PTPRB: variants seen among roughly 807,000 people sequenced by gnomAD.
PTPRB encodes protein tyrosine phosphatase receptor type B.
A neutral mutation model predicts 238.1 loss-of-function variants in PTPRB; 97 were observed. That is an observed-to-expected ratio of 0.41 (90% CI 0.35 to 0.48). PTPRB has a LOEUF of 0.48. Among genes scored for constraint, PTPRB ranks in the 20% least tolerant of loss-of-function variants. PTPRB has a pLI of 0.30. For missense variants in PTPRB, 2,292 were observed against 2,681.9 expected (o/e 0.85, Z 3.21); for synonymous variants, 970 against 995.4 (o/e 0.97, Z 0.48).
intron 8 of PTPRB, 141 bp from the exon 9 acceptor site, chr12:70,587,408 A>G: frequency 9.7e-7 from 1 of 1,035,096 alleles, no homozygotes; most frequent in Admixed American, 3.0e-5. Flanking sequence ...CATTAAAACA[A>G]AATCTTATCA....
chr12:70,550,581 A>G (rs1283169082), intron 21 of PTPRB, among the ~76,000 whole-genome samples: 1 of 152,188 alleles, frequency 6.6e-6, no homozygotes, highest in Non-Finnish European at 1.5e-5. Context: ...GGATTAGAGA[A>G]TTGAAATGCT....
intron 32 of PTPRB, 119 bp downstream of exon 32, chr12:70,531,916 T>C (rs1565904907): frequency 8.3e-7 from 1 of 1,197,742 alleles, no homozygotes; most frequent in Non-Finnish European, 1.2e-6. Context: ...GCAGTTCTTT[T>C]TTTCTCTTCC....
intron 21 of PTPRB, among the ~76,000 whole-genome samples, chr12:70,547,799 G>A (rs905502676): frequency 1.3e-5 from 2 of 151,900 alleles, no homozygotes; most frequent in African/African-American, 2.4e-5. Flanking sequence ...GAGCCATCGC[G>A]CCCAGCCATA....
chr12:70,587,265 G>T lies in PTPRB; in HGVS notation c.2053C>A (p.Pro685Thr). The change falls in exon 9 of 34, where the codon CCC becomes ACC. Residue 685 changes from proline (P) to threonine (T), a missense_variant and splice_region_variant. Coordinates refer to ENST00000334414, the MANE Select transcript of PTPRB (RefSeq NM_001109754.4). ...ACACGAAGCTGGAGGACAGCCAGGG[G>T]GACTGAGGAAAAAGCAATGGAGATG... The part of the protein sequence containing the change: ...NSERCQGRTV[P>T]LAVLQLRVKH... The T allele has an allele frequency of 6.2e-7, 1 of 1,613,584 alleles. No homozygotes were observed. The highest frequency in any genetic ancestry group is 1.1e-5 in the South Asian group (1 of 91,034).
chr12:70,595,938 C>G, intron 5 of PTPRB, 111 bp downstream of exon 5: 1 of 1,033,730 alleles, frequency 9.7e-7, no homozygotes, highest in Non-Finnish European at 1.3e-6. Flanking sequence ...TAACTAATTG[C>G]TAATTAATTA....
intron 20 of PTPRB, among the ~76,000 whole-genome samples, chr12:70,553,784 G>A (rs1877252025): frequency 6.6e-6 from 1 of 152,234 alleles, no homozygotes; most frequent in South Asian, 2.1e-4. Context: ...TTGCTCATAA[G>A]TGAGTCTTAG....
At chr12:70,586,404 T>C (rs1201569259) in intron 9 of PTPRB, among the ~76,000 whole-genome samples, 1 of 152,148 alleles carries the variant, frequency 6.6e-6, no homozygotes, top group Non-Finnish European at 1.5e-5. Flanking sequence ...GAACTGTGAG[T>C]CAATTAAACC....
At chr12:70,558,131 C>T (rs1380196923) in intron 18 of PTPRB, among the ~76,000 whole-genome samples, 3 of 152,116 alleles carry the variant, frequency 2.0e-5, no homozygotes, top group African/African-American at 7.2e-5. Flanking sequence ...CCTGGCTACT[C>T]TAATACCAGA....
rs1001922034 is a variant in PTPRB at position 70,622,562 on chromosome 12, T to C, written c.536A>G (p.Asp179Gly). 1.2e-6 allele frequency: 2 copies of C among 1,602,620 alleles called. No individual in the cohort carries two copies. The highest frequency in any genetic ancestry group is 2.7e-5 in the African/African-American group (2 of 74,728). ...ATTCCTAATAAGGAATACCAGGCCATCTGGAACTGCATTAAAGGTAGTGAG... is the reference window on the plus strand; with the variant it reads ...ATTCCTAATAAGGAATACCAGGCCACCTGGAACTGCATTAAAGGTAGTGAG... Reference protein sequence around the residue: ...QILTTFNAVPDGLVFLIRNTT... With the variant: ...QILTTFNAVPGGLVFLIRNTT... Residue 179 changes from aspartate (D) to glycine (G), a missense_variant, in exon 3 of 34, where the codon GAT becomes GGT. Asp to Gly is a moderately conservative substitution (Grantham distance 94). Coordinates refer to ENST00000334414, the MANE Select transcript of PTPRB (RefSeq NM_001109754.4).
intron 3 of PTPRB, among the ~76,000 whole-genome samples, chr12:70,618,950 C>G (rs1884796317): frequency 6.6e-6 from 1 of 151,946 alleles, no homozygotes; most frequent in African/African-American, 2.4e-5. Context: ...AAAGTCAGAC[C>G]CCTCACACTG....
rs1295284624 is a variant in PTPRB at position 70,516,844 on chromosome 12, C to T, written c.*4645G>A. 1 of 152,056 alleles carries T rather than the reference C, an allele frequency of 6.6e-6. No homozygotes were observed. The highest frequency in any genetic ancestry group is 2.4e-5 in the African/African-American group (1 of 41,390). 9.4% of individuals were successfully genotyped at this position (152,056 alleles called of 1,614,324 possible). A position where few individuals can be genotyped will look rare whatever the true frequency, so the allele number is the denominator to read the frequency against. ...TAATCTCTTATTTCCATTACATAAG[C>T]CTCTATTTTCAGAGCATTCACCAAC... On this transcript the variant is annotated 3_prime_UTR_variant, in exon 34 of 34. Coordinates refer to ENST00000334414, the MANE Select transcript of PTPRB (RefSeq NM_001109754.4).
Position 70,538,290 on chromosome 12 carries a change from T to C in PTPRB, c.5870-59A>G, listed in dbSNP as rs982337364. 4.4e-5 allele frequency: 62 copies of C among 1,419,562 alleles called. 1 individual carries two copies. The South Asian group carries it at 7.6e-4, about 17-fold the overall frequency. 87.9% of individuals were successfully genotyped at this position (1,419,562 alleles called of 1,614,324 possible). On this transcript the variant is annotated intron_variant, in intron 27 of 33. Transcript: ENST00000334414. ...TGACTTTTCTACAGTTTATGTGATG[T>C]GTGTGATGTGCCTTAGCTCTGATCC...
chr12:70,547,305 G>A (rs1423996764), intron 21 of PTPRB, among the ~76,000 whole-genome samples: 2 of 152,110 alleles, frequency 1.3e-5, no homozygotes, highest in Non-Finnish European at 2.9e-5. Flanking sequence ...GTCCACAAAG[G>A]GAAACAAGTA....
chr12:70,581,041 C>G lies in PTPRB; in HGVS notation c.2573G>C (p.Arg858Thr), dbSNP rs763918740. 1 of 1,613,702 alleles carries G rather than the reference C, an allele frequency of 6.2e-7. No individual in the cohort carries two copies. The highest frequency in any genetic ancestry group is 8.5e-7 in the Non-Finnish European group (1 of 1,179,734). Residue 858 changes from arginine to threonine, a missense_variant, in exon 10 of 34, where the codon AGA becomes ACA. Physicochemically the swap from Arg to Thr is moderately conservative, Grantham distance 71 (BLOSUM62 -1). Transcript: ENST00000334414. ...CACATATCTCTACTTCTTACCTGTTCTTCCCTCCACAACCACTTGTCGGGA... is the reference window on the plus strand; with the variant it reads ...CACATATCTCTACTTCTTACCTGTTGTTCCCTCCACAACCACTTGTCGGGA... ...ISSRQVVVEGRTVPSSVSGVT... is the reference protein window; with the variant it reads ...ISSRQVVVEGTTVPSSVSGVT...
At chr12:70,539,279 A>G in intron 26 of PTPRB, 1 of 547,870 alleles carries the variant, frequency 1.8e-6, no homozygotes, top group Non-Finnish European at 3.2e-6. Flanking sequence ...TCAGTTCCAA[A>G]AGCTACGTGC....
rs1874102733 is a variant in PTPRB at position 70,536,218 on chromosome 12, C to CAAAG, written c.5947-63_5947-60dup. The CAAAG allele has an allele frequency of 2.8e-5, 44 of 1,547,506 alleles. 2 individuals are homozygous for CAAAG. The South Asian group carries it at 5.2e-4, about 18-fold the overall frequency. On this transcript the variant is annotated intron_variant, in intron 28 of 33. Transcript: ENST00000334414. ...CAATGGGCCTCTTCAGAACTATAAA[C>CAAAG]AAAGAGTTCTTCAGATTAGATGATA...
intron 15 of PTPRB, among the ~76,000 whole-genome samples, chr12:70,564,836 AAATAAT>A (rs1462506951): frequency 3.1e-5 from 1 of 32,742 alleles, no homozygotes; most frequent in Non-Finnish European, 7.5e-5. Context: ...CTGTCTCCAA[AAATAAT>A]AAATAATAAT....
Position 70,585,547 on chromosome 12 carries a change from C to T in PTPRB, c.2311+1460G>A, listed in dbSNP as rs979168001. Among the ~76,000 whole-genome samples the T allele has an allele frequency of 2.2e-4, 33 of 152,006 alleles. 1 individual carries two copies. The highest frequency in any genetic ancestry group is 7.2e-4 in the African/African-American group (30 of 41,396). On this transcript the variant is annotated intron_variant, in intron 9 of 33. Coordinates refer to ENST00000334414, the MANE Select transcript of PTPRB (RefSeq NM_001109754.4). ...CAAGATCTGATGGTTTTATAAGGGG[C>T]TCTTTCCCCTTTCATCTCCATCACT...
At chr12:70,590,590 CTTTT>C (rs34092195) in intron 7 of PTPRB, among the ~76,000 whole-genome samples, 21 of 105,974 alleles carry the variant, frequency 2.0e-4, no homozygotes, top group African/African-American at 1.7e-4. Context: ...AGATTAAGTT[CTTTT>C]TTTTTTTTTT....
Sources: allele counts gnomAD v4.1 joint callset (sites outside exome capture counted in the v4.1 genomes callset), GRCh38; gene constraint gnomAD v4.1.1; transcripts MANE v1.5; gene names NCBI Gene and HGNC (gene_info 2026-07-23, HGNC 2026-07-21).